Variants in SCNN1B observed in about 807,000 individuals in gnomAD.
The protein encoded by SCNN1B is epithelial sodium channel subunit beta.
SCNN1B carries 46 observed loss-of-function variants against 65.3 expected under a neutral mutation model. The ratio of observed to expected loss-of-function variants is 0.70; its 90% CI spans 0.56 to 0.90. The LOEUF is 0.90. Ranked by LOEUF, SCNN1B falls within the 40% of genes least tolerant of loss-of-function variation. The pLI is 0.00. For missense variants in SCNN1B, 751 were observed against 830.5 expected, an observed-to-expected ratio of 0.90 and a Z score of 1.18; for synonymous variants, 349 against 330.6, an observed-to-expected ratio of 1.06 and a Z score of -0.60.
In SCNN1B at chr16:23,305,553, TATA is replaced by T. The variant is rs1567290297; in HGVS notation, c.-9+3117_-9+3119del. Among the ~76,000 whole-genome samples, 30 of 41,862 alleles carry T rather than the reference TATA, an allele frequency of 7.2e-4. 2 individuals carry two copies. Among genetic ancestry groups the T allele is most frequent in the African/African-American group, 7.0e-3 (28 of 4,000 alleles). 27.5% of individuals were successfully genotyped at this position (41,862 alleles called of 152,430 possible). ...TATATATTATATATATATATATATA[TATA>T]TATATATATATATATATATATTATA... On this transcript the variant is annotated intron_variant, in intron 1 of 12. Coordinates refer to ENST00000343070, the MANE Select transcript of SCNN1B (RefSeq NM_000336.3).
intron 2 of SCNN1B, among the ~76,000 whole-genome samples, chr16:23,350,836 T>G (rs180878): frequency 0.21 from 31,160 of 151,766 alleles, 3,399 homozygotes; most frequent in East Asian, 0.46. Context: ...TCACTTGAAC[T>G]CAGGAGGTGG....
intron 1 of SCNN1B, among the ~76,000 whole-genome samples, chr16:23,316,136 A>G (rs921605690): frequency 6.8e-6 from 1 of 148,140 alleles, no homozygotes; most frequent in Non-Finnish European, 1.5e-5. Flanking sequence ...CACTATCCTC[A>G]CCACCATCAC....
intron 1 of SCNN1B, among the ~76,000 whole-genome samples, chr16:23,279,847 G>A (rs531098878): frequency 1.3e-5 from 2 of 152,124 alleles, no homozygotes; most frequent in Non-Finnish European, 2.9e-5. Flanking sequence ...GCAGAGCTCC[G>A]AGCTCTCTCC....
At chr16:23,309,861 C>G (rs186409185) in intron 1 of SCNN1B, among the ~76,000 whole-genome samples, 6 of 152,286 alleles carry the variant, frequency 3.9e-5, no homozygotes, top group African/African-American at 1.2e-4. Context: ...TTATAAAGAG[C>G]CTGTTCCTAG....
intron 6 of SCNN1B, 29 bp downstream of exon 6, chr16:23,371,491 G>C: frequency 6.2e-7 from 1 of 1,609,784 alleles, no homozygotes; most frequent in Non-Finnish European, 8.5e-7. Context: ...GGCAGTCCTA[G>C]AGGGTCTGAG....
intron 2 of SCNN1B, among the ~76,000 whole-genome samples, chr16:23,296,311 T>C (rs1488586735): frequency 6.6e-6 from 1 of 152,194 alleles, no homozygotes; most frequent in Non-Finnish European, 1.5e-5. Flanking sequence ...CCAATTCTCC[T>C]GACTGCTTAT....
At chr16:23,356,173 A>C (rs1457064284) in intron 4 of SCNN1B, among the ~76,000 whole-genome samples, 9 of 152,180 alleles carry the variant, frequency 5.9e-5, no homozygotes, top group Non-Finnish European at 1.2e-4. Flanking sequence ...CACTTCTAGC[A>C]GCTGGGGGTG....
At chr16:23,284,286 T>C (rs1960821944) in intron 2 of SCNN1B, among the ~76,000 whole-genome samples, 1 of 151,816 alleles carries the variant, frequency 6.6e-6, no homozygotes, top group Non-Finnish European at 1.5e-5. Flanking sequence ...GTGCCTATAA[T>C]CCCAGCTACT....
At chr16:23,297,395 C>A (rs1425867889), upstream of SCNN1B, among the ~76,000 whole-genome samples, 1 of 152,196 alleles carries the variant, frequency 6.6e-6, no homozygotes, top group Non-Finnish European at 1.5e-5. Context: ...GGCCAGGAGT[C>A]TTTTGGTTGC....
At chr16:23,357,985 G>A (rs769389979) in intron 4 of SCNN1B, among the ~76,000 whole-genome samples, 1 of 152,250 alleles carries the variant, frequency 6.6e-6, no homozygotes, top group Non-Finnish European at 1.5e-5. Context: ...TCTGCTCAGT[G>A]AGAACACGCC....
At chr16:23,310,824 G>A (rs74012871) in intron 1 of SCNN1B, among the ~76,000 whole-genome samples, 9,452 of 152,292 alleles carry the variant, frequency 0.062, 990 homozygotes, top group African/African-American at 0.22. Flanking sequence ...GCACTCCAAA[G>A]AAAGAAACCC....
intron 1 of SCNN1B, among the ~76,000 whole-genome samples, chr16:23,309,728 C>G (rs1961300616): frequency 6.6e-6 from 1 of 152,220 alleles, no homozygotes; most frequent in Non-Finnish European, 1.5e-5. Flanking sequence ...GTCTGCCTTT[C>G]CCAGCCCACT....
At chr16:23,314,328 A>T (rs900937418) in intron 1 of SCNN1B, among the ~76,000 whole-genome samples, 4 of 152,172 alleles carry the variant, frequency 2.6e-5, no homozygotes, top group African/African-American at 9.7e-5. Context: ...ACGCCCGGCC[A>T]GGTACAATTA....
At chr16:23,334,850 T>A (rs980563633) in intron 1 of SCNN1B, among the ~76,000 whole-genome samples, 1 of 152,192 alleles carries the variant, frequency 6.6e-6, no homozygotes, top group African/African-American at 2.4e-5. Flanking sequence ...CAGATTGCTG[T>A]CCAAATGACT....
intron 2 of SCNN1B, among the ~76,000 whole-genome samples, chr16:23,350,674 A>G (rs1962289299): frequency 1.3e-5 from 2 of 152,164 alleles, no homozygotes; most frequent in South Asian, 4.1e-4. Flanking sequence ...GCATTTTGAG[A>G]GGCCAAAGCG....
chr16:23,305,537 TA>T (rs1961181200), intron 1 of SCNN1B, among the ~76,000 whole-genome samples: 1 of 19,898 alleles, frequency 5.0e-5, no homozygotes, highest in Non-Finnish European at 7.4e-5. Flanking sequence ...ATATATATTA[TA>T]TATATATATA....
chr16:23,362,329 CAA>C (rs113611025), intron 4 of SCNN1B, among the ~76,000 whole-genome samples: 1,841 of 121,562 alleles, frequency 0.015, 45 homozygotes, highest in African/African-American at 0.049. Flanking sequence ...TGAGCAATCT[CAA>C]AAAAAAAAAA....
At chr16:23,325,230 G>A (rs139033305) in intron 1 of SCNN1B, among the ~76,000 whole-genome samples, 2 of 151,904 alleles carry the variant, frequency 1.3e-5, no homozygotes, top group South Asian at 2.1e-4. Context: ...TTGATTGAAC[G>A]CTCTCCCTTT....
At chr16:23,303,902 G>A (rs774300038) in intron 1 of SCNN1B, 16 of 695,294 alleles carry the variant, frequency 2.3e-5, no homozygotes, top group African/African-American at 3.5e-5. Flanking sequence ...CTGAGTGAAA[G>A]AGCAAGACTC....
Sources: allele counts gnomAD v4.1 joint callset (sites outside exome capture counted in the v4.1 genomes callset), GRCh38; gene constraint gnomAD v4.1.1; transcripts MANE v1.5; gene names NCBI Gene and HGNC (gene_info 2026-07-23, HGNC 2026-07-21).